CDC42BPB: variants seen among roughly 807,000 people sequenced by gnomAD.
CDC42BPB encodes CDC42 binding protein kinase beta, also known as serine/threonine-protein kinase MRCK beta.
A neutral mutation model predicts 214.9 loss-of-function variants in CDC42BPB; 37 were observed. The ratio of observed to expected loss-of-function variants is 0.17; its 90% CI spans 0.13 to 0.23. CDC42BPB has a LOEUF of 0.23. Among genes scored for constraint, CDC42BPB ranks in the 10% least tolerant of loss-of-function variants. The pLI, the probability that CDC42BPB is intolerant of heterozygous loss-of-function variation, is 1.00. For synonymous variants in CDC42BPB, 931 were observed against 884.0 expected, an observed-to-expected ratio of 1.05 and a Z score of -0.94; for missense variants, 1,694 against 2,227.0, an observed-to-expected ratio of 0.76 and a Z score of 4.82.
intron 5 of CDC42BPB, among the ~76,000 whole-genome samples, chr14:102,996,190 A>G (rs1462020025): frequency 6.6e-6 from 1 of 152,086 alleles, no homozygotes; most frequent in African/African-American, 2.4e-5. Flanking sequence ...ATACAAAAAA[A>G]TTAGCTGGGC....
intron 1 of CDC42BPB, among the ~76,000 whole-genome samples, chr14:103,029,798 G>A (rs1239664995): frequency 1.4e-5 from 2 of 143,320 alleles, no homozygotes; most frequent in African/African-American, 5.2e-5. Context: ...GGCGGAGGTT[G>A]CAGTGAGCCG....
Position 102,944,483 on chromosome 14 carries a change from G to T in CDC42BPB, c.3816C>A (p.Ile1272=), listed in dbSNP as rs770015832. The T allele has an allele frequency of 1.9e-6, 3 of 1,609,278 alleles. No homozygotes were observed. The highest frequency in any genetic ancestry group is 2.2e-5 in the East Asian group (1 of 44,810). Residue 1272 remains isoleucine, a synonymous_variant, in exon 30 of 37, where the codon ATC becomes ATA. Coordinates refer to ENST00000361246, the MANE Select transcript of CDC42BPB (RefSeq NM_006035.4). The surrounding 1 kb of genome is among the most constrained non-coding windows in gnomAD (Gnocchi z 6.6). The part of the protein sequence containing the change: ...LYVIEVTRDV[I]VRAADCKKVH... ...CCTTCTTACAGTCAGCGGCACGGAC[G>T]ATCACTGTGGCAAGGAGGACAAGAG...
intron 9 of CDC42BPB, 112 bp from the exon 10 acceptor site, chr14:102,976,161 C>T (rs995291979): frequency 1.5e-4 from 220 of 1,501,712 alleles, no homozygotes; most frequent in African/African-American, 2.8e-5. Flanking sequence ...CAAACAAAAA[C>T]ACCTGAGATA....
At chr14:103,056,663 G>A (rs1332952389) in intron 1 of CDC42BPB, among the ~76,000 whole-genome samples, 2 of 150,746 alleles carry the variant, frequency 1.3e-5, no homozygotes, top group Admixed American at 6.6e-5. Context: ...GCCAGGGCGA[G>A]GGCCCGGCGG....
intron 5 of CDC42BPB, among the ~76,000 whole-genome samples, chr14:102,993,568 G>A (rs535216319): frequency 7.3e-5 from 11 of 150,948 alleles, no homozygotes; most frequent in Non-Finnish European, 1.3e-4. Flanking sequence ...GGAGGGAGGG[G>A]AAATGAAGAC....
chr14:103,010,396 C>T (rs1457328192), intron 2 of CDC42BPB, among the ~76,000 whole-genome samples: 2 of 152,206 alleles, frequency 1.3e-5, no homozygotes, highest in Non-Finnish European at 2.9e-5. Flanking sequence ...GCTCCGGGCA[C>T]GATGGGACGA....
At chr14:103,053,807 CTG>C (rs1475880850) in intron 1 of CDC42BPB, among the ~76,000 whole-genome samples, 1 of 151,128 alleles carries the variant, frequency 6.6e-6, no homozygotes, top group Non-Finnish European at 1.5e-5. Context: ...CATGCGACCA[CTG>C]TGGCAATAAG....
At chr14:103,017,257 G>A (rs961163900) in intron 1 of CDC42BPB, among the ~76,000 whole-genome samples, 14 of 152,152 alleles carry the variant, frequency 9.2e-5, no homozygotes, top group African/African-American at 3.4e-4. Flanking sequence ...GGGAGGTGGA[G>A]GCTGCAGTGA....
At position 103,024,943 on chromosome 14, in the gene CDC42BPB, G is replaced by A. The variant is rs180858128; in HGVS notation, c.176-12755C>T. ...ACTCCCCACATAAGACTTTTTACGT[G>A]TCAGTTTTAAAATTCAGAGGCAAAA... is the stretch of plus-strand genomic sequence containing the variant. On this transcript the variant is annotated intron_variant, in intron 1 of 36. Coordinates refer to ENST00000361246, the MANE Select transcript of CDC42BPB (RefSeq NM_006035.4). Among the ~76,000 whole-genome samples, 5 of 152,060 alleles carry A rather than the reference G, an allele frequency of 3.3e-5. No homozygotes were observed. The South Asian group carries it at 8.3e-4, about 25-fold the overall frequency.
chr14:103,030,532 C>T lies in CDC42BPB; in HGVS notation c.176-18344G>A, dbSNP rs910932849. ...CCAACATGGTGAAACCCCATCTCTG[C>T]TAAAAATATAAAAATTAGCTGAGTG... On this transcript the variant is annotated intron_variant, in intron 1 of 36. Transcript: ENST00000361246. Among the ~76,000 whole-genome samples the T allele has an allele frequency of 2.6e-5, 4 of 151,760 alleles. No homozygotes were observed. In the South Asian group the frequency reaches 8.3e-4, roughly 31 times the overall value.
chr14:102,933,331 CTG>C lies in CDC42BPB; in HGVS notation c.*379_*380del. 5.4e-6 allele frequency: 1 copy of C among 186,018 alleles called. No individual in the cohort carries two copies. The allele number at this position is 186,018 out of a possible 1,614,324, so 11.5% of individuals were successfully genotyped here. ...AAAGTTTCAGGAACTAGGGAAAAGA[CTG>C]GGTACTGAGGCTGTGTCCCCAGATG... is the stretch of plus-strand genomic sequence containing the variant. On this transcript the variant is annotated 3_prime_UTR_variant, in exon 37 of 37. Transcript: ENST00000361246.
At chr14:102,941,593 G>A (rs1428549400) in intron 30 of CDC42BPB, 6 of 978,658 alleles carry the variant, frequency 6.1e-6, no homozygotes, top group South Asian at 4.7e-5. Flanking sequence ...CTTGCCTGCC[G>A]AGTATGTGGG....
At chr14:103,002,363 A>G (rs1228923741) in intron 4 of CDC42BPB, among the ~76,000 whole-genome samples, 8 of 152,306 alleles carry the variant, frequency 5.3e-5, no homozygotes, top group Admixed American at 2.6e-4. Context: ...AAGAACATGG[A>G]ATCTTCACAG....
At chr14:102,998,297 A>G (rs1894831734) in intron 5 of CDC42BPB, among the ~76,000 whole-genome samples, 2 of 152,372 alleles carry the variant, frequency 1.3e-5, no homozygotes, top group South Asian at 2.1e-4. Context: ...GAAAGAAATT[A>G]GCAATATAAA....
intron 21 of CDC42BPB, chr14:102,956,521 TC>T: frequency 2.0e-6 from 1 of 509,642 alleles, no homozygotes; most frequent in Non-Finnish European, 2.5e-6. Flanking sequence ...ATAAATGCCT[TC>T]CCATTTAAAT....
chr14:102,962,263 A>G (rs1263357556), intron 20 of CDC42BPB, among the ~76,000 whole-genome samples: 3 of 152,256 alleles, frequency 2.0e-5, no homozygotes, highest in Admixed American at 6.5e-5. Flanking sequence ...GCAAGAGTGT[A>G]CAGGCATGTT....
chr14:103,018,609 A>C (rs1284357604), intron 1 of CDC42BPB, among the ~76,000 whole-genome samples: 1 of 152,208 alleles, frequency 6.6e-6, no homozygotes, highest in Non-Finnish European at 1.5e-5. Context: ...TTCTAGCCAC[A>C]GCAGCTTGAT....
At position 102,979,208 on chromosome 14, in the gene CDC42BPB, C is replaced by G. The variant is rs576244746; in HGVS notation, c.1141-1003G>C. On this transcript the variant is annotated intron_variant, in intron 8 of 36. Coordinates refer to ENST00000361246, the MANE Select transcript of CDC42BPB (RefSeq NM_006035.4). ...AAGTATTCGGTGCAAATAGATTTAA[C>G]TTTTCTTGTTTTTTTTTTTTTTTGA... 6.6e-5 allele frequency among the ~76,000 whole-genome samples: 10 copies of G among 151,158 alleles called. 1 individual carries two copies. The South Asian group carries it at 2.1e-3, about 32-fold the overall frequency.
intron 1 of CDC42BPB, chr14:103,041,678 C>T (rs1566922735): frequency 3.6e-6 from 2 of 558,184 alleles, no homozygotes; most frequent in Middle Eastern, 5.0e-4. Context: ...AAGGTGCGCA[C>T]CGGCCGCAGC....
Sources: gnomAD v4.1 joint callset for allele counts (sites outside exome capture counted in the v4.1 genomes callset) on GRCh38, gnomAD v4.1.1 for gene constraint, Gnocchi (gnomAD v3.1) non-coding constraint, MANE v1.5 for transcripts, NCBI Gene and HGNC (gene_info 2026-07-23, HGNC 2026-07-21) for gene names.